ASTN2: variants seen among roughly 807,000 people sequenced by gnomAD.
ASTN2 encodes astrotactin-2.
ASTN2 carries 54 observed loss-of-function variants against 139.8 expected under a neutral mutation model. That is an observed-to-expected ratio of 0.39 (90% CI 0.31 to 0.48). The LOEUF (loss-of-function observed/expected upper bound fraction) is 0.48, where lower values mean the gene tolerates loss of function less well. ASTN2 is among the 20% of genes least tolerant of loss of function. The probability of loss-of-function intolerance (pLI) is 0.95; values close to 1 mark genes in which losing one functional copy is unlikely to be tolerated. For missense variants in ASTN2, 1,565 were observed against 1,725.1 expected, an observed-to-expected ratio of 0.91 and a Z score of 1.64; for synonymous variants, 756 against 719.5, an observed-to-expected ratio of 1.05 and a Z score of -0.81.
intron 19 of ASTN2, among the ~76,000 whole-genome samples, chr9:116,530,349 T>G (rs1357808230): frequency 6.6e-6 from 1 of 151,332 alleles, no homozygotes; most frequent in Admixed American, 6.6e-5. Context: ...CCACTTTGGG[T>G]ACTCAGGAAA....
chr9:116,851,471 C>CTATCT (rs144546881), intron 11 of ASTN2, among the ~76,000 whole-genome samples: 1 of 148,882 alleles, frequency 6.7e-6, no homozygotes, highest in African/African-American at 2.5e-5. Flanking sequence ...AATTGCTAAA[C>CTATCT]ATCTATCTAT....
At chr9:116,936,877 G>A (rs570571189) in intron 10 of ASTN2, among the ~76,000 whole-genome samples, 1 of 152,306 alleles carries the variant, frequency 6.6e-6, no homozygotes, top group South Asian at 2.1e-4. Context: ...GTAGGTGGCA[G>A]AGCCCTGTCT....
At chr9:116,945,258 G>A (rs1835359919) in intron 10 of ASTN2, among the ~76,000 whole-genome samples, 1 of 152,098 alleles carries the variant, frequency 6.6e-6, no homozygotes, top group African/African-American at 2.4e-5. Context: ...ACAAATCACT[G>A]GGAAGGAAAA....
At chr9:116,426,551 C>A (rs2118797245) in intron 22 of ASTN2, among the ~76,000 whole-genome samples, 1 of 152,282 alleles carries the variant, frequency 6.6e-6, no homozygotes, top group South Asian at 2.1e-4. Context: ...GGAGCTCAAG[C>A]AAGGCTCAGA....
intron 10 of ASTN2, among the ~76,000 whole-genome samples, chr9:116,948,423 C>T (rs1367925629): frequency 1.3e-5 from 2 of 152,110 alleles, no homozygotes; most frequent in Non-Finnish European, 2.9e-5. Context: ...GCAGTGTCCC[C>T]AAGCTAACTC....
chr9:116,914,547 T>TTTATTATTATTATTATTATTA (rs144153990), intron 10 of ASTN2, among the ~76,000 whole-genome samples: 18 of 146,896 alleles, frequency 1.2e-4, no homozygotes, highest in African/African-American at 4.5e-4. Context: ...TGTAAAGTGT[T>TTTATTATTATTATTATTATTA]TTATTATTAT....
intron 19 of ASTN2, among the ~76,000 whole-genome samples, chr9:116,557,220 T>A (rs1474176690): frequency 1.3e-5 from 1 of 77,644 alleles, no homozygotes; most frequent in Non-Finnish European, 2.2e-5. Flanking sequence ...CGAGACTCTG[T>A]CTCAAAAAAA....
intron 4 of ASTN2, among the ~76,000 whole-genome samples, chr9:117,123,039 A>T (rs1452854369): frequency 6.6e-6 from 1 of 152,144 alleles, no homozygotes; most frequent in Non-Finnish European, 1.5e-5. Flanking sequence ...CTGAAGAGGA[A>T]GCCAAGGATG....
At chr9:116,874,031 G>GT (rs1294764209) in intron 10 of ASTN2, among the ~76,000 whole-genome samples, 2 of 152,264 alleles carry the variant, frequency 1.3e-5, no homozygotes, top group African/African-American at 2.4e-5. Context: ...GAATGCCTCT[G>GT]TTTTTTCAAT....
At chr9:117,114,178 T>C (rs63572660) in intron 4 of ASTN2, among the ~76,000 whole-genome samples, 1 of 149,758 alleles carries the variant, frequency 6.7e-6, no homozygotes, top group East Asian at 2.0e-4. Flanking sequence ...TTTTTTTTTT[T>C]AAAAAAAAAG....
At chr9:116,636,444 G>A (rs1162606243) in intron 17 of ASTN2, among the ~76,000 whole-genome samples, 1 of 152,208 alleles carries the variant, frequency 6.6e-6, no homozygotes, top group Non-Finnish European at 1.5e-5. Flanking sequence ...AGAGGCTGAT[G>A]CAGGTGGATC....
chr9:117,139,597 T>A (rs1414453425), intron 4 of ASTN2, among the ~76,000 whole-genome samples: 2 of 152,220 alleles, frequency 1.3e-5, no homozygotes, highest in Non-Finnish European at 2.9e-5. Context: ...TTTACAAGAT[T>A]AAGAATTAGA....
chr9:117,019,322 T>A (rs1025566869), intron 6 of ASTN2, among the ~76,000 whole-genome samples: 3 of 152,162 alleles, frequency 2.0e-5, no homozygotes, highest in African/African-American at 7.2e-5. Context: ...AAATTAATGC[T>A]AAGCCTAAAT....
intron 22 of ASTN2, among the ~76,000 whole-genome samples, chr9:116,432,473 C>T (rs926714829): frequency 1.3e-5 from 2 of 152,196 alleles, no homozygotes; most frequent in Non-Finnish European, 2.9e-5. Context: ...GTTTACATAA[C>T]TCCACAATTC....
chr9:117,066,041 A>C (rs1421200531), intron 5 of ASTN2, among the ~76,000 whole-genome samples: 1 of 150,046 alleles, frequency 6.7e-6, no homozygotes, highest in Non-Finnish European at 1.5e-5. Flanking sequence ...ATTATACTTT[A>C]AGTTTTAGGG....
chr9:116,809,648 G>A (rs1831114041), intron 12 of ASTN2, among the ~76,000 whole-genome samples: 1 of 152,118 alleles, frequency 6.6e-6, no homozygotes, highest in Non-Finnish European at 1.5e-5. Context: ...GGGTGGCATT[G>A]CTTTGAATTT....
intron 6 of ASTN2, among the ~76,000 whole-genome samples, chr9:117,036,606 C>T (rs7036846): frequency 0.97 from 147,194 of 152,254 alleles, 71,334 homozygotes; most frequent in East Asian, 1. Context: ...TTCATCCCCC[C>T]AGGGCCAGAT....
intron 13 of ASTN2, among the ~76,000 whole-genome samples, chr9:116,779,051 C>G (rs992254283): frequency 1.3e-5 from 2 of 152,102 alleles, no homozygotes; most frequent in Non-Finnish European, 2.9e-5. Flanking sequence ...TTTAAGAAAC[C>G]TGTAACAAAT....
intron 19 of ASTN2, among the ~76,000 whole-genome samples, chr9:116,605,940 C>T (rs1855171322): frequency 6.6e-6 from 1 of 152,088 alleles, no homozygotes; most frequent in African/African-American, 2.4e-5. Flanking sequence ...AGTAACTCAC[C>T]ATGTGTGTAA....
Sources: allele counts gnomAD v4.1 joint callset (sites outside exome capture counted in the v4.1 genomes callset), GRCh38; gene constraint gnomAD v4.1.1; transcripts MANE v1.5; gene names NCBI Gene and HGNC (gene_info 2026-07-23, HGNC 2026-07-21).